The following RARB variants were observed in gnomAD, a reference collection of about 807,000 sequenced individuals.
RARB encodes retinoic acid receptor beta, also known as HBV-activated protein.
RARB carries 17 observed loss-of-function variants against 51.9 expected under a neutral mutation model. That is an observed-to-expected ratio of 0.33 (90% CI 0.22 to 0.49). RARB has a LOEUF of 0.49. Among genes scored for constraint, RARB ranks in the 20% least tolerant of loss-of-function variants. The pLI is 0.99. For missense variants in RARB, 369 were observed against 550.8 expected (o/e 0.67, Z 3.30); for synonymous variants, 215 against 195.4 (o/e 1.10, Z -0.84).
chr3:25,164,090 A>T (rs1481893880), intron 4 of RARB, among the ~76,000 whole-genome samples: 2 of 150,360 alleles, frequency 1.3e-5, no homozygotes, highest in Admixed American at 1.3e-4. Context: ...CTGGCTTGAT[A>T]AAAAAAATGC....
chr3:25,416,721 C>T (rs373856421), intron 5 of RARB, among the ~76,000 whole-genome samples: 2 of 152,294 alleles, frequency 1.3e-5, no homozygotes, highest in East Asian at 3.9e-4. Flanking sequence ...AAGTGGTAGG[C>T]TGGATTTGGC....
chr3:25,480,925 T>A (rs6796669), intron 2 of RARB, among the ~76,000 whole-genome samples: 69,454 of 151,910 alleles, frequency 0.46, 17,531 homozygotes, highest in South Asian at 0.64. Context: ...TTGATCCTAT[T>A]CCCAGAGTTT....
chr3:25,174,127 G>T (rs73145391), exon 5 of RARB: 5,571 of 194,494 alleles, frequency 0.029, 238 homozygotes, highest in African/African-American at 0.091. Flanking sequence ...AGAATTAACA[G>T]CTCTGAAATT....
intron 3 of RARB, among the ~76,000 whole-genome samples, chr3:25,082,017 T>C (rs139270213): frequency 4.6e-5 from 7 of 152,248 alleles, no homozygotes; most frequent in African/African-American, 7.2e-5. Context: ...CTTTTTATGA[T>C]TGCTATCTCT....
At chr3:25,201,983 T>C (rs566089098) in intron 5 of RARB, among the ~76,000 whole-genome samples, 58 of 152,340 alleles carry the variant, frequency 3.8e-4, no homozygotes, top group African/African-American at 1.3e-3. Context: ...TCTTTTTCTA[T>C]TGATTGGAAT....
At chr3:25,435,128 T>C (rs1490382872) in intron 1 of RARB, among the ~76,000 whole-genome samples, 1 of 152,216 alleles carries the variant, frequency 6.6e-6, no homozygotes, top group African/African-American at 2.4e-5. Flanking sequence ...AGATAGCTTC[T>C]TATTTTTTAA....
chr3:24,939,339 T>G (rs1366154494), intron 2 of RARB, among the ~76,000 whole-genome samples: 1 of 152,222 alleles, frequency 6.6e-6, no homozygotes, highest in Non-Finnish European at 1.5e-5. Flanking sequence ...TCTGTAGAAA[T>G]GGAATGCTGG....
At chr3:25,193,258 A>T (rs1323571908) in intron 5 of RARB, among the ~76,000 whole-genome samples, 1 of 152,062 alleles carries the variant, frequency 6.6e-6, no homozygotes, top group Non-Finnish European at 1.5e-5. Flanking sequence ...TCAAAGGAAG[A>T]ATGAAGAAAG....
intron 1 of RARB, among the ~76,000 whole-genome samples, chr3:25,431,799 A>G (rs1559398500): frequency 6.6e-6 from 1 of 152,188 alleles, no homozygotes; most frequent in Non-Finnish European, 1.5e-5. Flanking sequence ...TTATTTTTAA[A>G]ACAACCAGTA....
At chr3:25,316,171 G>T (rs567887295) in intron 5 of RARB, among the ~76,000 whole-genome samples, 1 of 152,198 alleles carries the variant, frequency 6.6e-6, no homozygotes, top group South Asian at 2.1e-4. Flanking sequence ...AAGCCCACAG[G>T]TTGATCTGAG....
intron 2 of RARB, among the ~76,000 whole-genome samples, chr3:24,912,806 T>C (rs1559393417): frequency 6.6e-6 from 1 of 151,928 alleles, no homozygotes; most frequent in African/African-American, 2.4e-5. Context: ...TGAATCTCAG[T>C]TTTTCTATCC....
chr3:25,358,424 A>G (rs1705819446), intron 5 of RARB, among the ~76,000 whole-genome samples: 2 of 152,208 alleles, frequency 1.3e-5, no homozygotes, highest in African/African-American at 2.4e-5. Flanking sequence ...TGTCATCTGC[A>G]AACAGAGACA....
chr3:24,876,514 C>T (rs977062570), intron 2 of RARB, among the ~76,000 whole-genome samples: 3 of 152,086 alleles, frequency 2.0e-5, no homozygotes, highest in East Asian at 1.9e-4. Flanking sequence ...GCATAAACAA[C>T]TTTAATAAAG....
At chr3:25,225,788 G>A (rs1171902628) in intron 5 of RARB, among the ~76,000 whole-genome samples, 1 of 152,126 alleles carries the variant, frequency 6.6e-6, no homozygotes, top group Non-Finnish European at 1.5e-5. Context: ...CAATCAATAG[G>A]TTATTTTAAT....
At chr3:25,568,613 C>T (rs540508335) in intron 3 of RARB, among the ~76,000 whole-genome samples, 77 of 152,312 alleles carry the variant, frequency 5.1e-4, no homozygotes, top group Middle Eastern at 3.4e-3. Flanking sequence ...TGGGTATTCT[C>T]ATGGTGTGGA....
At chr3:25,117,496 G>A (rs1194051186) in intron 3 of RARB, among the ~76,000 whole-genome samples, 1 of 152,152 alleles carries the variant, frequency 6.6e-6, no homozygotes. Flanking sequence ...CTGTGAGGAA[G>A]GTTAAACAAT....
intron 3 of RARB, among the ~76,000 whole-genome samples, chr3:25,542,701 C>G (rs1003470878): frequency 6.6e-6 from 1 of 152,210 alleles, no homozygotes; most frequent in African/African-American, 2.4e-5. Context: ...CCTCTGTTCC[C>G]TTGTGCAATA....
chr3:25,145,035 G>A (rs1700165651), intron 4 of RARB, among the ~76,000 whole-genome samples: 1 of 152,156 alleles, frequency 6.6e-6, no homozygotes, highest in African/African-American at 2.4e-5. Flanking sequence ...AAGAGGCTGT[G>A]GGCTCTATCG....
intron 2 of RARB, among the ~76,000 whole-genome samples, chr3:24,871,814 G>C (rs973859727): frequency 2.0e-5 from 3 of 152,198 alleles, no homozygotes; most frequent in East Asian, 3.9e-4. Flanking sequence ...AAACTAATCA[G>C]AACAAAACCT....
Sources: gnomAD v4.1 joint callset for allele counts (sites outside exome capture counted in the v4.1 genomes callset) on GRCh38, gnomAD v4.1.1 for gene constraint, MANE v1.5 for transcripts, NCBI Gene and HGNC (gene_info 2026-07-23, HGNC 2026-07-21) for gene names.